Variants in PTPRD observed in about 807,000 individuals in gnomAD.
PTPRD encodes protein tyrosine phosphatase receptor type D.
PTPRD carries 34 observed loss-of-function variants against 214.5 expected under a neutral mutation model. The ratio of observed to expected loss-of-function variants is 0.16; its 90% CI spans 0.12 to 0.21. The LOEUF (loss-of-function observed/expected upper bound fraction) is 0.21, where lower values mean the gene tolerates loss of function less well. Ranked by LOEUF, PTPRD falls within the 10% of genes least tolerant of loss-of-function variation. PTPRD has a pLI of 1.00. For missense variants in PTPRD, 2,545 were observed against 2,398.7 expected, an observed-to-expected ratio of 1.06 and a Z score of -1.27; for synonymous variants, 1,128 against 845.7, an observed-to-expected ratio of 1.33 and a Z score of -5.79.
At chr9:9,486,150 CAAAAAAAAAAAAAA>C (rs71319226) in intron 8 of PTPRD, among the ~76,000 whole-genome samples, 46 of 30,164 alleles carry the variant, frequency 1.5e-3, no homozygotes, top group East Asian at 4.4e-3. Flanking sequence ...GACTCTCTCT[CAAAAAAAAAAAAAA>C]AAAAAAAAAA....
intron 2 of PTPRD, among the ~76,000 whole-genome samples, chr9:10,411,319 GAATTATAACTTGTAGTTGA>G (rs2098434352): frequency 6.6e-6 from 1 of 151,736 alleles, no homozygotes; most frequent in South Asian, 2.1e-4. Flanking sequence ...TGTAGTAAAG[GAATTATAACTTGTAGTTGA>G]CTTTCCAGTT....
chr9:8,529,626 A>G (rs574381845), intron 14 of PTPRD, among the ~76,000 whole-genome samples: 1 of 152,174 alleles, frequency 6.6e-6, no homozygotes, highest in South Asian at 2.1e-4. Flanking sequence ...GCTCTTGAGA[A>G]ATTAAAATCA....
At chr9:8,457,299 C>T (rs2096244094) in intron 33 of PTPRD, among the ~76,000 whole-genome samples, 1 of 152,136 alleles carries the variant, frequency 6.6e-6, no homozygotes, top group South Asian at 2.1e-4. Context: ...TTGCTACTAT[C>T]TTATCTCTGG....
intron 12 of PTPRD, among the ~76,000 whole-genome samples, chr9:8,715,523 T>C (rs534792831): frequency 2.0e-5 from 3 of 152,184 alleles, no homozygotes; most frequent in Non-Finnish European, 4.4e-5. Context: ...AGACCACTTA[T>C]CCAGTAAATA....
chr9:8,999,341 C>T (rs934578164), intron 11 of PTPRD, among the ~76,000 whole-genome samples: 1 of 152,062 alleles, frequency 6.6e-6, no homozygotes, highest in Non-Finnish European at 1.5e-5. Context: ...CAACCCCCAG[C>T]CTGATCAGTC....
At chr9:9,935,631 C>T (rs1158912020) in intron 5 of PTPRD, among the ~76,000 whole-genome samples, 3 of 148,444 alleles carry the variant, frequency 2.0e-5, no homozygotes, top group Non-Finnish European at 4.4e-5. Flanking sequence ...CAATCAATAT[C>T]GTGAAAATGG....
intron 12 of PTPRD, among the ~76,000 whole-genome samples, chr9:8,698,756 C>A (rs1160847953): frequency 6.6e-6 from 1 of 152,106 alleles, no homozygotes; most frequent in Non-Finnish European, 1.5e-5. Context: ...CGCCTTTTCG[C>A]AGGAAACTAG....
chr9:9,916,115 T>C (rs921697730), intron 5 of PTPRD, among the ~76,000 whole-genome samples: 9 of 149,422 alleles, frequency 6.0e-5, no homozygotes, highest in Admixed American at 5.3e-4. Context: ...CAGCTACAAA[T>C]ACTATATTCA....
intron 5 of PTPRD, among the ~76,000 whole-genome samples, chr9:9,837,585 G>C (rs2057140494): frequency 6.6e-6 from 1 of 151,994 alleles, no homozygotes; most frequent in Non-Finnish European, 1.5e-5. Context: ...ACTTTTGATG[G>C]GGTAAAGCAA....
Position 10,582,019 on chromosome 9 carries a change from G to A in PTPRD, c.-600+30379C>T, listed in dbSNP as rs181710964. ...TGAATTCTGAAGTTGGAAATTTGGG[G>A]GATAATAAGATATCCTTTTGGCAGC... On this transcript the variant is annotated intron_variant, in intron 2 of 45. Transcript: ENST00000381196. Among the ~76,000 whole-genome samples, 19 of 152,182 alleles carry A rather than the reference G, an allele frequency of 1.2e-4. No individual in the cohort carries two copies. The East Asian group carries it at 3.3e-3, about 26-fold the overall frequency.
intron 4 of PTPRD, among the ~76,000 whole-genome samples, chr9:9,977,240 A>C (rs1429259085): frequency 6.6e-6 from 1 of 152,178 alleles, no homozygotes; most frequent in Non-Finnish European, 1.5e-5. Flanking sequence ...GGGAGGTCTA[A>C]AGTAGAACTT....
At chr9:8,765,260 A>G (rs966486842) in intron 11 of PTPRD, among the ~76,000 whole-genome samples, 2 of 152,208 alleles carry the variant, frequency 1.3e-5, no homozygotes, top group African/African-American at 4.8e-5. Context: ...AGACTTAGTG[A>G]CTGCTTCCAG....
At chr9:8,966,543 A>G (rs1206311940) in intron 11 of PTPRD, among the ~76,000 whole-genome samples, 2 of 152,126 alleles carry the variant, frequency 1.3e-5, no homozygotes, top group Non-Finnish European at 2.9e-5. Context: ...GTATTGAGAC[A>G]ACTGGCCAGC....
intron 14 of PTPRD, among the ~76,000 whole-genome samples, chr9:8,598,206 C>G (rs2094576377): frequency 3.3e-5 from 5 of 152,128 alleles, no homozygotes; most frequent in Admixed American, 3.3e-4. Context: ...AGCCAGTGCA[C>G]TCTGGGAGGC....
chr9:10,167,111 A>T (rs1396294837), intron 3 of PTPRD, among the ~76,000 whole-genome samples: 1 of 145,010 alleles, frequency 6.9e-6, no homozygotes, highest in South Asian at 2.3e-4. Flanking sequence ...TTAGACTTAT[A>T]AAAGTAGACC....
intron 12 of PTPRD, among the ~76,000 whole-genome samples, chr9:8,704,908 G>A (rs927036546): frequency 6.6e-6 from 1 of 151,878 alleles, no homozygotes; most frequent in Non-Finnish European, 1.5e-5. Context: ...GGGCGATAGA[G>A]CAAGACTCCT....
At chr9:8,500,608 G>T in intron 24 of PTPRD, 146 bp downstream of exon 24, 5 of 89,206 alleles carry the variant, frequency 5.6e-5, no homozygotes, top group Non-Finnish European at 9.3e-5. Context: ...CTGTAGCAAA[G>T]ACAAGTCTTT....
chr9:9,074,010 A>C (rs920864035), intron 10 of PTPRD, among the ~76,000 whole-genome samples: 1 of 152,140 alleles, frequency 6.6e-6, no homozygotes, highest in Non-Finnish European at 1.5e-5. Context: ...GTGAGATGTC[A>C]AGTGGGTAGC....
chr9:9,276,909 G>A (rs1248482526), intron 9 of PTPRD, among the ~76,000 whole-genome samples: 2 of 151,314 alleles, frequency 1.3e-5, no homozygotes, highest in African/African-American at 4.8e-5. Context: ...CTCTACTCAT[G>A]CAGTTCCTTT....
Sources: allele counts gnomAD v4.1 joint callset (sites outside exome capture counted in the v4.1 genomes callset), GRCh38; gene constraint gnomAD v4.1.1; transcripts MANE v1.5; gene names NCBI Gene and HGNC (gene_info 2026-07-23, HGNC 2026-07-21).